Variants in SVOP observed in about 807,000 individuals in gnomAD.
SVOP encodes the protein synaptic vesicle 2-related protein.
SVOP carries 17 observed loss-of-function variants against 69.1 expected under a neutral mutation model. The observed-to-expected ratio is 0.25, with a 90% CI of 0.17 to 0.37. The LOEUF (loss-of-function observed/expected upper bound fraction) is 0.37, where lower values mean the gene tolerates loss of function less well. SVOP is among the 10% of genes least tolerant of loss of function. The pLI is 1.00. For synonymous variants in SVOP, 238 were observed against 238.6 expected (o/e 1.00, Z 0.02); for missense variants, 435 against 597.5 (o/e 0.73, Z 2.84).
chr12:109,008,940 A>G (rs2040324902), intron 1 of SVOP, among the ~76,000 whole-genome samples: 1 of 146,572 alleles, frequency 6.8e-6, no homozygotes, highest in South Asian at 2.2e-4. Context: ...TGTCTTTGTA[A>G]CTTTTTTTTT....
intron 1 of SVOP, among the ~76,000 whole-genome samples, chr12:108,997,259 A>C (rs1463106328): frequency 6.6e-6 from 1 of 152,058 alleles, no homozygotes; most frequent in Admixed American, 6.5e-5. Flanking sequence ...AGACCGGCTT[A>C]AAAAACGGCG....
At chr12:108,994,588 G>A (rs930864585) in intron 1 of SVOP, among the ~76,000 whole-genome samples, 13 of 152,146 alleles carry the variant, frequency 8.5e-5, no homozygotes, top group East Asian at 3.9e-4. Context: ...TATTTAATAC[G>A]CATTTTCACT....
In SVOP at chr12:108,940,750, C is replaced by T. The variant is rs148418906; in HGVS notation, c.768+34G>A. The T allele has an allele frequency of 4.8e-4, 737 of 1,531,216 alleles. 3 individuals carry two copies. In the African/African-American group the frequency reaches 9.0e-3, roughly 19 times the overall value. 94.9% of individuals were successfully genotyped at this position (1,531,216 alleles called of 1,614,324 possible). A position where few individuals can be genotyped will look rare whatever the true frequency, so the allele number is the denominator to read the frequency against. ...ATAGAGTGGACAGTAAGATGTCAGACAGCAAAAGGTGAAATCTCTTAAAGG... is the reference window on the plus strand; with the variant it reads ...ATAGAGTGGACAGTAAGATGTCAGATAGCAAAAGGTGAAATCTCTTAAAGG... On this transcript the variant is annotated intron_variant, in intron 8 of 15. Transcript: ENST00000610966.
chr12:109,020,418 C>T (rs527487031), intron 1 of SVOP, among the ~76,000 whole-genome samples: 1 of 152,204 alleles, frequency 6.6e-6, no homozygotes, highest in East Asian at 1.9e-4. Flanking sequence ...TTCCAAAAGA[C>T]CTTGCAGAAA....
At chr12:108,987,939 T>C (rs556473329) in intron 1 of SVOP, among the ~76,000 whole-genome samples, 3 of 151,726 alleles carry the variant, frequency 2.0e-5, no homozygotes, top group Admixed American at 2.0e-4. Context: ...AAAAAAATTT[T>C]AATACAGGGT....
rs188591791 is a variant in SVOP, at chr12:109,005,194, T to C, written c.35+15640A>G. On this transcript the variant is annotated intron_variant, in intron 1 of 15. Coordinates refer to ENST00000610966, the MANE Select transcript of SVOP (RefSeq NM_018711.5). ...AATTCAGAGTCAGAGAGGTGGTCCA[T>C]CGGAGTAGACAAGAGAGCCCAACTC... Among the ~76,000 whole-genome samples, 251 of 152,286 alleles carry C rather than the reference T, an allele frequency of 1.6e-3. 1 individual carries two copies. The highest frequency in any genetic ancestry group is 5.2e-3 in the African/African-American group (217 of 41,560).
intron 11 of SVOP, among the ~76,000 whole-genome samples, chr12:108,924,459 G>C (rs1488456624): frequency 6.6e-6 from 1 of 152,138 alleles, no homozygotes; most frequent in Non-Finnish European, 1.5e-5. Flanking sequence ...GAAAGCCTTG[G>C]AGGTATCCTT....
At chr12:109,012,827 G>A (rs1430079571) in intron 1 of SVOP, among the ~76,000 whole-genome samples, 8 of 152,156 alleles carry the variant, frequency 5.3e-5, no homozygotes, top group Admixed American at 5.2e-4. Context: ...TACTGGGGAG[G>A]TTGAGGTGAA....
intron 9 of SVOP, among the ~76,000 whole-genome samples, chr12:108,938,581 TCA>T (rs1425136304): frequency 6.6e-6 from 1 of 152,206 alleles, no homozygotes. Context: ...TTTTCTCTAA[TCA>T]CTGGTGAAAT....
intron 6 of SVOP, among the ~76,000 whole-genome samples, chr12:108,951,959 T>C (rs767763422): frequency 2.0e-5 from 3 of 152,214 alleles, no homozygotes; most frequent in Non-Finnish European, 4.4e-5. Flanking sequence ...AATGATGTTA[T>C]GCTAGTTCCA....
At chr12:109,008,471 C>A (rs2040322103) in intron 1 of SVOP, among the ~76,000 whole-genome samples, 1 of 152,110 alleles carries the variant, frequency 6.6e-6, no homozygotes, top group African/African-American at 2.4e-5. Context: ...AATTTTAGTT[C>A]TCTGTGGATT....
intron 1 of SVOP, among the ~76,000 whole-genome samples, chr12:108,984,491 C>A (rs2040157259): frequency 6.6e-6 from 1 of 151,252 alleles, no homozygotes; most frequent in Admixed American, 6.6e-5. Flanking sequence ...GTCATGCACT[C>A]CACAGTTGAC....
intron 1 of SVOP, among the ~76,000 whole-genome samples, chr12:108,988,010 C>T (rs1006646246): frequency 3.9e-5 from 6 of 152,122 alleles, no homozygotes; most frequent in African/African-American, 1.2e-4. Context: ...CAGCCTCGAC[C>T]TCCTGGGCTC....
At chr12:108,958,122 G>T (rs970765461) in intron 6 of SVOP, among the ~76,000 whole-genome samples, 1 of 152,106 alleles carries the variant, frequency 6.6e-6, no homozygotes, top group African/African-American at 2.4e-5. Context: ...GTACTGCTTC[G>T]TGCAGAGCAG....
chr12:109,020,948 C>G lies in SVOP; in HGVS notation c.-80G>C. 1 of 694,140 alleles carries G rather than the reference C, an allele frequency of 1.4e-6. No homozygotes were observed. Among genetic ancestry groups the G allele is most frequent in the Non-Finnish European group, 2.7e-6 (1 of 372,484 alleles). 43.0% of individuals were successfully genotyped at this position (694,140 alleles called of 1,614,324 possible). On this transcript the variant is annotated 5_prime_UTR_variant, in exon 1 of 16. Transcript: ENST00000610966. ...ATGACGAGCCCTCCGGTTTTCAGCACCGGGAAGCTGGACAGCACCCGCGCC... is the reference window on the plus strand; with the variant it reads ...ATGACGAGCCCTCCGGTTTTCAGCAGCGGGAAGCTGGACAGCACCCGCGCC...
At chr12:108,980,321 C>T (rs1363238803) in intron 2 of SVOP, among the ~76,000 whole-genome samples, 1 of 152,202 alleles carries the variant, frequency 6.6e-6, no homozygotes, top group Non-Finnish European at 1.5e-5. Context: ...AATAGTAGCA[C>T]ACCAAGGTTA....
intron 13 of SVOP, among the ~76,000 whole-genome samples, chr12:108,919,147 C>T (rs1225500398): frequency 2.0e-5 from 3 of 151,938 alleles, no homozygotes; most frequent in Non-Finnish European, 2.9e-5. Context: ...TGGGCCAATA[C>T]CCACACCTGG....
chr12:109,011,300 T>TA (rs2135631051), intron 1 of SVOP, among the ~76,000 whole-genome samples: 1 of 152,320 alleles, frequency 6.6e-6, no homozygotes, highest in African/African-American at 2.4e-5. Context: ...GCATAAAATG[T>TA]AAACATTTTT....
intron 7 of SVOP, among the ~76,000 whole-genome samples, chr12:108,943,958 T>C (rs2039908183): frequency 6.6e-6 from 1 of 151,926 alleles, no homozygotes; most frequent in Non-Finnish European, 1.5e-5. Flanking sequence ...CTCAGCTCAC[T>C]GCAACTTCCA....
Sources: allele counts gnomAD v4.1 joint callset (sites outside exome capture counted in the v4.1 genomes callset), GRCh38; gene constraint gnomAD v4.1.1; transcripts MANE v1.5; gene names NCBI Gene and HGNC (gene_info 2026-07-23, HGNC 2026-07-21).